The following CFAP69 variants were observed in gnomAD, a reference collection of about 807,000 sequenced individuals.
The protein encoded by CFAP69 is cilia- and flagella-associated protein 69.
In CFAP69, 92 loss-of-function variants were observed where a neutral mutation model predicts 123.0. The ratio of observed to expected loss-of-function variants is 0.75; its 90% CI spans 0.63 to 0.89. The LOEUF (loss-of-function observed/expected upper bound fraction) is 0.89, where lower values mean the gene tolerates loss of function less well. Ranked by LOEUF, CFAP69 falls within the 40% of genes least tolerant of loss-of-function variation. The pLI, the probability that CFAP69 is intolerant of heterozygous loss-of-function variation, is 0.00. For synonymous variants in CFAP69, 380 were observed against 364.3 expected (o/e 1.04, Z -0.49); for missense variants, 1,067 against 1,096.9 (o/e 0.97, Z 0.39).
chr7:90,287,283 A>G (rs901596247), intron 14 of CFAP69, among the ~76,000 whole-genome samples: 4 of 152,108 alleles, frequency 2.6e-5, no homozygotes, highest in Admixed American at 2.0e-4. Context: ...ATATTCTTGT[A>G]CTAGTCTTTA....
the CFAP69 span, chr7:90,320,317 C>G: frequency 1.3e-5 from 2 of 152,134 alleles, no homozygotes; most frequent in Non-Finnish European, 2.9e-5. Flanking sequence ...ATACTTGTTA[C>G]GCACTAATAT....
chr7:90,279,903 C>T lies in CFAP69; in HGVS notation c.1372+10C>T, dbSNP rs1388389013. On this transcript the variant is annotated intron_variant, in intron 12 of 22. Coordinates refer to ENST00000389297, the MANE Select transcript of CFAP69 (RefSeq NM_001039706.3). The stretch of plus-strand genomic sequence containing the variant: ...TGGTGTGAGAGTGAAGGTGAGTGGC[C>T]CTTCAAGATTCTTGTCAAAATTCTA... 1 of 1,543,108 alleles carries T rather than the reference C, an allele frequency of 6.5e-7. No individual in the cohort carries two copies. The highest frequency in any genetic ancestry group is 8.7e-7 in the Non-Finnish European group (1 of 1,148,020).
At chr7:90,247,191 G>A (rs1796433068) in intron 1 of CFAP69, among the ~76,000 whole-genome samples, 1 of 152,114 alleles carries the variant, frequency 6.6e-6, no homozygotes, top group African/African-American at 2.4e-5. Context: ...TTACAAATGA[G>A]AACCCTAAGT....
At chr7:90,254,370 C>T (rs1797392973) in intron 1 of CFAP69, among the ~76,000 whole-genome samples, 1 of 152,070 alleles carries the variant, frequency 6.6e-6, no homozygotes, top group Non-Finnish European at 1.5e-5. Flanking sequence ...TCCCCGTTTA[C>T]CTATGAATAA....
At chr7:90,265,631 T>C (rs1230435187) in intron 5 of CFAP69, among the ~76,000 whole-genome samples, 7 of 152,250 alleles carry the variant, frequency 4.6e-5, no homozygotes, top group Non-Finnish European at 5.9e-5. Flanking sequence ...TGATGAATTA[T>C]TATTTAGTTT....
chr7:90,271,507 A>T lies in CFAP69; in HGVS notation c.533-19A>T. Reference sequence around the variant, plus strand: ...TTCTGTGAGATAACTGTATGTATTTATTAATGAATTGTTGTTAGGTTACCA... The same window carrying T: ...TTCTGTGAGATAACTGTATGTATTTTTTAATGAATTGTTGTTAGGTTACCA... On this transcript the variant is annotated intron_variant, in intron 6 of 22. Transcript: ENST00000389297. 1 of 1,601,450 alleles carries T rather than the reference A, an allele frequency of 6.2e-7. No homozygotes were observed. The highest frequency in any genetic ancestry group is 8.5e-7 in the Non-Finnish European group (1 of 1,174,288).
rs559089025 is a variant in CFAP69, at chr7:90,245,711, C to T, written c.120+167C>T. Reference sequence around the variant, plus strand: ...CAGAGCTAATCCTGATCCCCCACCCCCTGCGAACTGCACCGGTTGCGAGGG... The same window carrying T: ...CAGAGCTAATCCTGATCCCCCACCCTCTGCGAACTGCACCGGTTGCGAGGG... On this transcript the variant is annotated intron_variant, in intron 1 of 22. Transcript: ENST00000389297. Among the ~76,000 whole-genome samples the T allele has an allele frequency of 1.3e-4, 20 of 152,218 alleles. No homozygotes were observed. In the South Asian group the frequency reaches 3.9e-3, roughly 30 times the overall value.
chr7:90,295,231 G>C (rs1230755674), intron 15 of CFAP69, among the ~76,000 whole-genome samples: 1 of 152,164 alleles, frequency 6.6e-6, no homozygotes, highest in Non-Finnish European at 1.5e-5. Context: ...ACTTTACTGA[G>C]AGGGGCCTCT....
At chr7:90,253,416 A>C (rs953859622) in intron 1 of CFAP69, among the ~76,000 whole-genome samples, 18 of 152,084 alleles carry the variant, frequency 1.2e-4, no homozygotes, top group Admixed American at 5.9e-4. Context: ...TTTGAGACGG[A>C]GTCTCACTCT....
At chr7:90,321,580 TAGTC>T in the CFAP69 span, among the ~76,000 whole-genome samples, 1 of 152,174 alleles carries the variant, frequency 6.6e-6, no homozygotes, top group South Asian at 2.1e-4. Flanking sequence ...ATCTCGGCAT[TAGTC>T]AGTCCACATA....
chr7:90,266,717 C>A (rs959964646), intron 5 of CFAP69, among the ~76,000 whole-genome samples: 1 of 151,646 alleles, frequency 6.6e-6, no homozygotes, highest in Non-Finnish European at 1.5e-5. Context: ...TTACTGACTG[C>A]GAGTACTGCT....
chr7:90,277,801 C>T (rs1788828356), intron 11 of CFAP69, among the ~76,000 whole-genome samples: 1 of 152,060 alleles, frequency 6.6e-6, no homozygotes. Context: ...TATCTTAATA[C>T]TTTGTTTCCT....
At chr7:90,254,401 T>G (rs1797397354) in intron 1 of CFAP69, among the ~76,000 whole-genome samples, 1 of 152,166 alleles carries the variant, frequency 6.6e-6, no homozygotes, top group African/African-American at 2.4e-5. Context: ...ATATAGCCTC[T>G]TCTTGGTTGC....
In CFAP69 at chr7:90,271,927, A is replaced by G. The variant is rs1276345164; in HGVS notation, c.829A>G (p.Ile277Val). ...GGAAAAATCTTCAAAAGAAGAAGTC[A>G]TACAACAGCTTAGTAACTTGGAATG... ...LLEKSSKEEV[I>V]QQLSNLECLL... is the part of the protein sequence containing the mutation. The change falls in exon 8 of 23, where the codon ATA becomes GTA. Residue 277 changes from isoleucine (I) to valine (V), a missense_variant. Physicochemically the swap from Ile to Val is conservative, Grantham distance 29. Coordinates refer to ENST00000389297, the MANE Select transcript of CFAP69 (RefSeq NM_001039706.3). 6.8e-6 allele frequency: 11 copies of G among 1,612,876 alleles called. No homozygotes were observed. The highest frequency in any genetic ancestry group is 1.7e-5 in the Admixed American group (1 of 59,866).
chr7:90,319,838 T>C, the CFAP69 span: 1 of 397,654 alleles, frequency 2.5e-6, no homozygotes, highest in Non-Finnish European at 4.4e-6. Context: ...AGTACACATA[T>C]ATTTGCTTTT....
At position 90,300,013 on chromosome 7, in the gene CFAP69, G is replaced by A; in HGVS notation, c.2004G>A (p.Glu668=). The change falls in exon 17 of 23, where the codon GAG becomes GAA. Residue 668 remains glutamate (E), a synonymous_variant. Coordinates refer to ENST00000389297, the MANE Select transcript of CFAP69 (RefSeq NM_001039706.3). ...ASLLIKLWRK[E]EKELGVKRDK... ...TTTTAATTAAATTGTGGAGAAAGGA[G>A]GAAAAAGAACTAGGAGTAAAACGTG... The A allele has an allele frequency of 1.2e-6, 2 of 1,607,058 alleles. No homozygotes were observed. Among genetic ancestry groups the A allele is most frequent in the Non-Finnish European group, 1.7e-6 (2 of 1,177,288 alleles).
Position 90,258,102 on chromosome 7 carries a change from G to C in CFAP69, c.185G>C (p.Gly62Ala), listed in dbSNP as rs1445641364. The C allele has an allele frequency of 1.2e-6, 2 of 1,610,890 alleles. No individual in the cohort carries two copies. Among genetic ancestry groups the C allele is most frequent in the South Asian group, 2.2e-5 (2 of 90,628 alleles). Residue 62 changes from glycine (G) to alanine (A), a missense_variant, in exon 3 of 23, where the codon GGC (glycine) becomes GCC (alanine). Gly to Ala is a moderately conservative substitution (Grantham distance 60). Transcript: ENST00000389297. The part of the protein sequence containing the change: ...IKLLEETDKD[G>A]LEEKQLKFVK... ...AAAATAGGTGATCTGTTTTAGGATG[G>C]CTTGGAAGAAAAACAACTTAAATTT...
chr7:90,300,407 A>G, intron 17 of CFAP69: 1 of 860,482 alleles, frequency 1.2e-6, no homozygotes, highest in South Asian at 5.4e-5. Flanking sequence ...CTTCAAAATA[A>G]TATTTTGGTA....
At chr7:90,275,202 T>C (rs1788400080) in intron 9 of CFAP69, among the ~76,000 whole-genome samples, 1 of 152,330 alleles carries the variant, frequency 6.6e-6, no homozygotes, top group Non-Finnish European at 1.5e-5. Context: ...TGAGAGTTCT[T>C]ATCTTTCTAT....
Sources: allele counts gnomAD v4.1 joint callset (sites outside exome capture counted in the v4.1 genomes callset), GRCh38; gene constraint gnomAD v4.1.1; transcripts MANE v1.5; gene names NCBI Gene and HGNC (gene_info 2026-07-23, HGNC 2026-07-21).